Variants in OLAH observed in about 807,000 individuals in gnomAD.
OLAH encodes oleoyl-ACP hydrolase, also known as S-acyl fatty acid synthase thioesterase, medium chain.
A neutral mutation model predicts 27.8 loss-of-function variants in OLAH; 33 were observed. The ratio of observed to expected loss-of-function variants is 1.19; its 90% confidence interval spans 0.90 to 1.59. OLAH has a LOEUF of 1.59. Among genes scored for constraint, OLAH ranks in the 40% most tolerant of loss-of-function variants. The pLI, the probability that OLAH is intolerant of heterozygous loss-of-function variation, is 0.00. For synonymous variants in OLAH, 120 were observed against 102.9 expected (o/e 1.17, Z -1.01); for missense variants, 359 against 310.8 (o/e 1.16, Z -1.17).
intron 5 of OLAH, 23 bp from the exon 6 acceptor site, chr10:15,065,561 T>A (rs1181132907): frequency 1.3e-6 from 2 of 1,594,820 alleles, no homozygotes; most frequent in East Asian, 2.2e-5. Context: ...ATATCAGGCC[T>A]GTGTTGTTGT....
At chr10:15,064,647 T>C (rs1267550764) in intron 5 of OLAH, 145 bp downstream of exon 5, 4 of 554,240 alleles carry the variant, frequency 7.2e-6, no homozygotes, top group Non-Finnish European at 1.2e-5. Context: ...CAAAAGCCAT[T>C]GAGGTTTTTG....
intron 3 of OLAH, among the ~76,000 whole-genome samples, chr10:15,057,505 C>G (rs147483298): frequency 6.6e-6 from 1 of 151,726 alleles, no homozygotes; most frequent in East Asian, 1.9e-4. Context: ...CTTGCCACAG[C>G]CTTCCGAGTA....
chr10:15,046,976 G>A, intron 1 of OLAH, 150 bp from the exon 2 acceptor site: 1 of 260,710 alleles, frequency 3.8e-6, no homozygotes, highest in Non-Finnish European at 7.3e-6. Flanking sequence ...TATGAATGGG[G>A]TGGGATGGGG....
chr10:15,057,866 C>T (rs1844277473), intron 3 of OLAH, among the ~76,000 whole-genome samples: 2 of 151,858 alleles, frequency 1.3e-5, no homozygotes, highest in African/African-American at 2.4e-5. Context: ...CTTACTCCAC[C>T]GATCTATACG....
intron 5 of OLAH, among the ~76,000 whole-genome samples, 187 bp downstream of exon 5, chr10:15,064,689 A>C (rs1844432722): frequency 6.6e-6 from 1 of 152,196 alleles, no homozygotes; most frequent in Non-Finnish European, 1.5e-5. Flanking sequence ...ATGGAGTCTC[A>C]TTCTGCTGCC....
intron 3 of OLAH, among the ~76,000 whole-genome samples, chr10:15,053,639 T>A (rs1355618934): frequency 6.6e-6 from 1 of 152,082 alleles, no homozygotes; most frequent in South Asian, 2.1e-4. Flanking sequence ...ACAGGGCACT[T>A]GATCTCTCAA....
chr10:15,073,254 T>C lies in OLAH; in HGVS notation c.*25T>C, dbSNP rs1564537327. On this transcript the variant is annotated 3_prime_UTR_variant, in exon 8 of 8. Transcript: ENST00000378228. Reference sequence around the variant, plus strand: ...GATATTTTCCCTTTCACTTTTAAAATAATCAAAGTAATATCATACTCTTCT... The same window carrying C: ...GATATTTTCCCTTTCACTTTTAAAACAATCAAAGTAATATCATACTCTTCT... 1 of 1,410,228 alleles carries C rather than the reference T, an allele frequency of 7.1e-7. No individual in the cohort carries two copies. The highest frequency in any genetic ancestry group is 9.9e-7 in the Non-Finnish European group (1 of 1,007,728). The allele number at this position is 1,410,228 out of a possible 1,614,324, so 87.4% of individuals were successfully genotyped here.
chr10:15,071,501 A>G (rs1270396675), intron 6 of OLAH: 1 of 984,836 alleles, frequency 1.0e-6, no homozygotes, highest in Non-Finnish European at 1.2e-6. Flanking sequence ...GTTTCTGATG[A>G]CAGTTTAAAG....
At chr10:15,071,439 G>A (rs1009536416) in intron 6 of OLAH, 2 of 831,578 alleles carry the variant, frequency 2.4e-6, no homozygotes, top group African/African-American at 3.7e-5. Context: ...GTTCTGTGCA[G>A]AGCAACCCTC....
intron 7 of OLAH, 103 bp from the exon 8 acceptor site, chr10:15,072,984 G>A (rs183258933): frequency 9.2e-7 from 1 of 1,084,424 alleles, no homozygotes; most frequent in East Asian, 2.4e-5. Context: ...GGCCTTGAAA[G>A]TAACCGTACT....
intron 3 of OLAH, among the ~76,000 whole-genome samples, chr10:15,054,715 A>C (rs1181676555): frequency 2.0e-5 from 3 of 151,958 alleles, no homozygotes; most frequent in African/African-American, 7.3e-5. Flanking sequence ...CTCCATATCT[A>C]ATTCAATACA....
upstream of OLAH, among the ~76,000 whole-genome samples, chr10:15,039,526 G>A (rs969700190): frequency 1.1e-4 from 16 of 152,164 alleles, no homozygotes; most frequent in Admixed American, 8.5e-4. Context: ...GCAGTGAGCC[G>A]AGATTGTGCC....
chr10:15,051,608 T>G (rs569035287), intron 3 of OLAH, among the ~76,000 whole-genome samples: 17 of 152,324 alleles, frequency 1.1e-4, no homozygotes, highest in Non-Finnish European at 1.9e-4. Flanking sequence ...ATTATCTGTA[T>G]GAAATCAATG....
chr10:15,067,050 T>C (rs1313027437), intron 6 of OLAH, among the ~76,000 whole-genome samples: 1 of 152,228 alleles, frequency 6.6e-6, no homozygotes, highest in Non-Finnish European at 1.5e-5. Flanking sequence ...AAGTTAAGTA[T>C]ATGAGGTGAT....
At chr10:15,048,273 G>A (rs558758433) in intron 2 of OLAH, among the ~76,000 whole-genome samples, 7 of 152,116 alleles carry the variant, frequency 4.6e-5, no homozygotes, top group African/African-American at 1.4e-4. Flanking sequence ...GCTGGAGAGC[G>A]GTGGTGCGAT....
chr10:15,061,774 G>A lies in OLAH; in HGVS notation c.214G>A (p.Glu72Lys). Residue 72 changes from glutamate to lysine, a missense_variant, in exon 4 of 8, where the codon GAA becomes AAA. Physicochemically the swap from Glu to Lys is moderately conservative, Grantham distance 56. Transcript: ENST00000378228. ...GRESRVEEPL[E>K]NDISQLVDEV... ...AGAAAGCAGAGTTGAAGAACCTCTT[G>A]AAAATGACATCTCCCAGTTAGTTGA... 1 of 1,613,730 alleles carries A rather than the reference G, an allele frequency of 6.2e-7. No individual in the cohort carries two copies.
intron 6 of OLAH, among the ~76,000 whole-genome samples, chr10:15,066,565 T>C (rs1024064368): frequency 2.4e-4 from 36 of 151,904 alleles, no homozygotes; most frequent in African/African-American, 7.7e-4. Context: ...GAAGTCCTGA[T>C]ACTCTGTAAA....
intron 3 of OLAH, among the ~76,000 whole-genome samples, chr10:15,053,817 C>A (rs1300844335): frequency 6.6e-6 from 1 of 151,918 alleles, no homozygotes; most frequent in Non-Finnish European, 1.5e-5. Context: ...CAGGCTCAAG[C>A]GATCCTCCCA....
At chr10:15,043,282 A>G (rs1169737111), upstream of OLAH, among the ~76,000 whole-genome samples, 2 of 152,114 alleles carry the variant, frequency 1.3e-5, no homozygotes, top group Non-Finnish European at 2.9e-5. Context: ...TGAAAACACG[A>G]AAAGTCTTAA....
Sources: gnomAD v4.1 joint callset for allele counts (sites outside exome capture counted in the v4.1 genomes callset) on GRCh38, gnomAD v4.1.1 for gene constraint, MANE v1.5 for transcripts, NCBI Gene and HGNC (gene_info 2026-07-23, HGNC 2026-07-21) for gene names.